MAPK10: variants seen among roughly 807,000 people sequenced by gnomAD.
MAPK10 encodes the protein JNK3 alpha protein kinase.
A neutral mutation model predicts 59.3 loss-of-function variants in MAPK10; 25 were observed. The observed-to-expected ratio is 0.42, with a 90% CI of 0.31 to 0.59. MAPK10 has a LOEUF of 0.59. Among genes scored for constraint, MAPK10 ranks in the 20% least tolerant of loss-of-function variants. The pLI is 0.15. For missense variants in MAPK10, 351 were observed against 568.9 expected (o/e 0.62, Z 3.90); for synonymous variants, 190 against 200.5 (o/e 0.95, Z 0.44).
chr4:86,244,293 G>A (rs1303821161), intron 2 of MAPK10, among the ~76,000 whole-genome samples: 1 of 152,104 alleles, frequency 6.6e-6, no homozygotes, highest in East Asian at 1.9e-4. Flanking sequence ...CTCATAATTT[G>A]TGAAATTATA....
chr4:86,332,256 T>A (rs999979640), intron 2 of MAPK10, among the ~76,000 whole-genome samples: 1 of 152,216 alleles, frequency 6.6e-6, no homozygotes, highest in African/African-American at 2.4e-5. Flanking sequence ...ATAAACTTGT[T>A]TGAAATAACA....
intron 2 of MAPK10, among the ~76,000 whole-genome samples, chr4:86,353,844 G>A (rs747491308): frequency 3.3e-5 from 5 of 152,088 alleles, no homozygotes; most frequent in African/African-American, 1.2e-4. Flanking sequence ...ATTATAACTC[G>A]TTCATCTCTG....
intron 11 of MAPK10, among the ~76,000 whole-genome samples, chr4:86,051,685 C>T (rs1024804014): frequency 6.6e-6 from 1 of 152,182 alleles, no homozygotes; most frequent in Non-Finnish European, 1.5e-5. Context: ...GACTGTCAAA[C>T]TTCTTAGTTT....
intron 1 of MAPK10, among the ~76,000 whole-genome samples, chr4:86,502,187 T>C (rs1284925765): frequency 1.3e-5 from 2 of 152,016 alleles, no homozygotes; most frequent in Non-Finnish European, 2.9e-5. Context: ...AAATGTGTTG[T>C]GACTCATACA....
intron 2 of MAPK10, among the ~76,000 whole-genome samples, chr4:86,279,918 C>T (rs1583978021): frequency 6.6e-6 from 1 of 152,144 alleles, no homozygotes; most frequent in Non-Finnish European, 1.5e-5. Flanking sequence ...CCATCATATG[C>T]TCTTCCAACA....
At chr4:86,415,826 T>C (rs543367808) in intron 1 of MAPK10, among the ~76,000 whole-genome samples, 1 of 152,200 alleles carries the variant, frequency 6.6e-6, no homozygotes, top group Non-Finnish European at 1.5e-5. Flanking sequence ...ACAATAGTTA[T>C]AGAGTAGAAT....
chr4:86,188,778 T>C (rs889553940), intron 3 of MAPK10, among the ~76,000 whole-genome samples: 8 of 152,220 alleles, frequency 5.3e-5, no homozygotes, highest in African/African-American at 1.7e-4. Flanking sequence ...TTGGCTTTTG[T>C]TGCCATTGCT....
At chr4:86,070,170 G>T (rs1406540877) in intron 9 of MAPK10, among the ~76,000 whole-genome samples, 1 of 152,080 alleles carries the variant, frequency 6.6e-6, no homozygotes, top group Non-Finnish European at 1.5e-5. Context: ...GCAAATCTGA[G>T]TTACAGTGAT....
At chr4:86,353,847 C>T (rs1220506364) in intron 2 of MAPK10, among the ~76,000 whole-genome samples, 5 of 152,154 alleles carry the variant, frequency 3.3e-5, no homozygotes, top group African/African-American at 1.2e-4. Context: ...ATAACTCGTT[C>T]ATCTCTGCTG....
At chr4:86,447,941 T>G (rs550416642) in intron 1 of MAPK10, among the ~76,000 whole-genome samples, 1 of 152,318 alleles carries the variant, frequency 6.6e-6, no homozygotes, top group African/African-American at 2.4e-5. Flanking sequence ...GGAGCATGAT[T>G]AAATGAATTT....
At chr4:86,045,931 GT>G (rs1317392794) in intron 11 of MAPK10, among the ~76,000 whole-genome samples, 1 of 151,452 alleles carries the variant, frequency 6.6e-6, no homozygotes. Flanking sequence ...TTATTTTTAT[GT>G]GTTTCCAATG....
At chr4:86,487,773 A>G (rs997955182) in intron 1 of MAPK10, among the ~76,000 whole-genome samples, 1 of 152,040 alleles carries the variant, frequency 6.6e-6, no homozygotes. Context: ...ATAAAGAGTA[A>G]ATGGGACTCC....
chr4:86,184,010 G>C (rs1393972955), intron 3 of MAPK10, among the ~76,000 whole-genome samples: 1 of 152,098 alleles, frequency 6.6e-6, no homozygotes. Flanking sequence ...TTGTAAATTT[G>C]TTTGAGTTCA....
intron 2 of MAPK10, among the ~76,000 whole-genome samples, chr4:86,320,721 A>G (rs2095871906): frequency 6.6e-6 from 1 of 152,200 alleles, no homozygotes; most frequent in African/African-American, 2.4e-5. Context: ...TTTAGACATG[A>G]AGCCTTGCAC....
At chr4:86,151,063 T>C (rs2066334878) in intron 4 of MAPK10, among the ~76,000 whole-genome samples, 1 of 152,006 alleles carries the variant, frequency 6.6e-6, no homozygotes, top group African/African-American at 2.4e-5. Context: ...GAAGCATCAG[T>C]CAATGCAAGA....
chr4:86,520,000 G>A (rs1169557909), intron 1 of MAPK10, among the ~76,000 whole-genome samples: 1 of 152,098 alleles, frequency 6.6e-6, no homozygotes, highest in Non-Finnish European at 1.5e-5. Context: ...AATCTGACAG[G>A]TTTTCCTTTA....
intron 1 of MAPK10, chr4:86,356,457 AT>A: frequency 1.2e-6 from 1 of 844,632 alleles, no homozygotes; most frequent in Non-Finnish European, 1.4e-6. Context: ...GATTTTCAAT[AT>A]TACCTGATGT....
chr4:86,513,123 C>A (rs1424975156), intron 1 of MAPK10, among the ~76,000 whole-genome samples: 1 of 151,908 alleles, frequency 6.6e-6, no homozygotes, highest in African/African-American at 2.4e-5. Context: ...TCATAGCTCC[C>A]TTCAGCCTCA....
At chr4:86,365,431 CAAAAAAAAAAAAAAAAAAAAAAAA>C (rs70948789) in intron 1 of MAPK10, among the ~76,000 whole-genome samples, 1 of 32,438 alleles carries the variant, frequency 3.1e-5, no homozygotes, top group African/African-American at 1.2e-4. Context: ...GACTCTGTCT[CAAAAAAAAAAAAAAAAAAAAAAAA>C]AAAAAAAAAA....
Sources: gnomAD v4.1 joint callset for allele counts (sites outside exome capture counted in the v4.1 genomes callset) on GRCh38, gnomAD v4.1.1 for gene constraint, MANE v1.5 for transcripts, NCBI Gene and HGNC (gene_info 2026-07-23, HGNC 2026-07-21) for gene names.